The following PHRF1 variants were observed in gnomAD, a reference collection of about 807,000 sequenced individuals.
PHRF1 encodes PHD and ring finger domains 1, also known as PHD and RING finger domain-containing protein 1.
In PHRF1, 53 loss-of-function variants were observed where a neutral mutation model predicts 128.9. The observed-to-expected ratio is 0.41, with a 90% CI of 0.33 to 0.52. The LOEUF (loss-of-function observed/expected upper bound fraction) is 0.52. Among genes scored for constraint, PHRF1 ranks in the 20% least tolerant of loss-of-function variants. PHRF1 has a pLI of 0.21. For synonymous variants in PHRF1, 1,178 were observed against 980.6 expected, an observed-to-expected ratio of 1.20 and a Z score of -3.76; for missense variants, 2,503 against 2,284.5, an observed-to-expected ratio of 1.10 and a Z score of -1.95.
chr11:590,746 C>G (rs1256552758), intron 4 of PHRF1, among the ~76,000 whole-genome samples: 2 of 152,170 alleles, frequency 1.3e-5, no homozygotes, highest in South Asian at 2.1e-4. Flanking sequence ...TCTTGTCACC[C>G]AAGCTGGAGT....
chr11:584,391 C>A (rs997372485), intron 3 of PHRF1, among the ~76,000 whole-genome samples: 2 of 152,198 alleles, frequency 1.3e-5, no homozygotes, highest in Non-Finnish European at 2.9e-5. Flanking sequence ...AGCAGGGCCC[C>A]CACCGTGTCT....
chr11:590,711 A>G (rs1179378618), intron 4 of PHRF1, among the ~76,000 whole-genome samples: 1 of 151,716 alleles, frequency 6.6e-6, no homozygotes, highest in Non-Finnish European at 1.5e-5. Flanking sequence ...ATGAAAGTAA[A>G]TTTTTTTTTG....
chr11:607,582 C>T lies in PHRF1; in HGVS notation c.2126C>T (p.Ala709Val). 6.2e-7 allele frequency: 1 copy of T among 1,612,470 alleles called. No individual in the cohort carries two copies. Among genetic ancestry groups the T allele is most frequent in the Non-Finnish European group, 8.5e-7 (1 of 1,179,844 alleles). ...GGGCAGAGCATTGAGATCCCCAGTG[C>T]CTGCATCAGCCGACTGACTGGCAGG... is the stretch of plus-strand genomic sequence containing the variant. ...AHGQSIEIPS[A>V]CISRLTGREG... The change falls in exon 14 of 18, where the codon GCC (alanine) becomes GTC (valine). Residue 709 changes from alanine to valine, a missense_variant. Ala to Val is a moderately conservative substitution (Grantham distance 64). Coordinates refer to ENST00000264555, the MANE Select transcript of PHRF1 (RefSeq NM_001286581.2).
At chr11:584,137 G>T (rs1006146286) in intron 3 of PHRF1, among the ~76,000 whole-genome samples, 2 of 152,222 alleles carry the variant, frequency 1.3e-5, no homozygotes, top group Admixed American at 6.5e-5. Flanking sequence ...TCGATGTTTA[G>T]CTCTGCACGT....
chr11:600,493 A>AATAAATAAATAAATATAT (rs961079986), intron 9 of PHRF1, among the ~76,000 whole-genome samples: 20 of 129,334 alleles, frequency 1.5e-4, no homozygotes, highest in African/African-American at 5.3e-4. Flanking sequence ...TGTCTCCAAA[A>AATAAATAAATAAATATAT]ATATATATAT....
In PHRF1 at chr11:609,575, T is replaced by C; in HGVS notation, c.4119T>C (p.Ser1373=). The C allele has an allele frequency of 1.9e-6, 3 of 1,598,322 alleles. No homozygotes were observed. The highest frequency in any genetic ancestry group is 2.3e-5 in the East Asian group (1 of 44,276). Residue 1373 remains serine, a synonymous_variant, in exon 14 of 18, where the codon TCT becomes TCC. Transcript: ENST00000264555. ...CTGCGGGGAAGGAAGACAGCCCCTCTGCGAGTGGGAGGGTACAGGAGGCAG... is the reference window on the plus strand; with the variant it reads ...CTGCGGGGAAGGAAGACAGCCCCTCCGCGAGTGGGAGGGTACAGGAGGCAG... ...VAPAGKEDSP[S]ASGRVQEAAR...
At chr11:580,402 C>T (rs61343338) in intron 1 of PHRF1, among the ~76,000 whole-genome samples, 5,985 of 152,188 alleles carry the variant, frequency 0.039, 401 homozygotes, top group African/African-American at 0.14. Flanking sequence ...TCCCGGCTGA[C>T]GGGTCAGGGC....
At chr11:587,147 G>A in intron 3 of PHRF1, 112 bp from the exon 4 acceptor site, 1 of 952,220 alleles carries the variant, frequency 1.1e-6, no homozygotes, top group Admixed American at 2.1e-5. Flanking sequence ...CGGGGAGGTG[G>A]GCTGTGCATT....
In PHRF1 at chr11:609,523, A is replaced by G. The variant is rs760603775; in HGVS notation, c.4067A>G (p.Glu1356Gly). 2 of 1,601,744 alleles carry G rather than the reference A, an allele frequency of 1.2e-6. No homozygotes were observed. Among genetic ancestry groups the G allele is most frequent in the Admixed American group, 1.7e-5 (1 of 58,890 alleles). ...LLRPDAAEKA[E>G]APSSPDVAPA... The stretch of plus-strand genomic sequence containing the variant: ...AGGCCGGACGCGGCTGAGAAGGCTG[A>G]GGCACCCAGTTCCCCGGATGTGGCG... The change falls in exon 14 of 18, where the codon GAG (glutamate) becomes GGG (glycine). Residue 1356 changes from glutamate (E) to glycine (G), a missense_variant. Physicochemically the swap from Glu to Gly is moderately conservative, Grantham distance 98. Transcript: ENST00000264555.
chr11:578,651 G>GA (rs1412209149), intron 1 of PHRF1, among the ~76,000 whole-genome samples: 1 of 152,172 alleles, frequency 6.6e-6, no homozygotes, highest in East Asian at 1.9e-4. Flanking sequence ...CTGCAGCCTC[G>GA]AACTCCTGAG....
Position 611,696 on chromosome 11 carries a change from C to T in PHRF1, c.4869C>T (p.Tyr1623=), listed in dbSNP as rs759426285. 19 of 1,613,024 alleles carry T rather than the reference C, an allele frequency of 1.2e-5. No homozygotes were observed. Among genetic ancestry groups the T allele is most frequent in the East Asian group, 6.7e-5 (3 of 44,902 alleles). Residue 1623 remains tyrosine, a synonymous_variant, in exon 18 of 18, where the codon TAC becomes TAT. Transcript: ENST00000264555. ...AGGTGGCCAACCTGGTGAAGGCGTA[C>T]GTGGACAAGTACAGGCACATGCGCA... ...PVKVANLVKA[Y]VDKYRHMRRH...
At chr11:604,944 C>T (rs541253064) in intron 10 of PHRF1, among the ~76,000 whole-genome samples, 175 bp from the exon 11 acceptor site, 5 of 152,318 alleles carry the variant, frequency 3.3e-5, no homozygotes, top group East Asian at 3.9e-4. Context: ...CCGATGTGTG[C>T]GGCATTGTTC....
intron 9 of PHRF1, among the ~76,000 whole-genome samples, chr11:599,248 C>CTTTTTTTTTT (rs1855489133): frequency 8.0e-6 from 1 of 124,738 alleles, no homozygotes; most frequent in African/African-American, 3.0e-5. Flanking sequence ...TTTTTTTTTT[C>CTTTTTTTTTT]TTTTCTTTTT....
At position 610,668 on chromosome 11, in the gene PHRF1, C is replaced by T. The variant is rs1856318060; in HGVS notation, c.4584C>T (p.Ala1528=). The change falls in exon 16 of 18, where the codon GCC becomes GCT. Residue 1528 remains alanine, a synonymous_variant. Coordinates refer to ENST00000264555, the MANE Select transcript of PHRF1 (RefSeq NM_001286581.2). ...CAGTGCCCGCTGCCCTGACCCCAGC[C>T]TCAGAGCCAGCCAGTCAAGCCACTG... The part of the protein sequence containing the change: ...LAPVPAALTP[A]SEPASQATAA... The T allele has an allele frequency of 6.2e-7, 1 of 1,603,900 alleles. No individual in the cohort carries two copies. Among genetic ancestry groups the T allele is most frequent in the Non-Finnish European group, 8.5e-7 (1 of 1,179,820 alleles).
chr11:609,767 AAG>A, intron 14 of PHRF1, 47 bp downstream of exon 14: 4 of 1,205,092 alleles, frequency 3.3e-6, no homozygotes, highest in Non-Finnish European at 4.4e-6. Flanking sequence ...CCCAGTGAGT[AAG>A]GCCCTGGCCC....
At chr11:589,661 C>T (rs529034693) in intron 4 of PHRF1, among the ~76,000 whole-genome samples, 5,103 of 152,280 alleles carry the variant, frequency 0.034, 262 homozygotes, top group African/African-American at 0.12. Context: ...AGATCTCGGA[C>T]TAGAAAGCAA....
At chr11:583,354 A>G (rs777044709) in intron 3 of PHRF1, among the ~76,000 whole-genome samples, 31 of 149,576 alleles carry the variant, frequency 2.1e-4, no homozygotes, top group Non-Finnish European at 3.1e-4. Context: ...ACAAACAAAA[A>G]AACCCCACCA....
At chr11:600,527 T>G (rs1855570866) in intron 9 of PHRF1, among the ~76,000 whole-genome samples, 1 of 145,568 alleles carries the variant, frequency 6.9e-6, no homozygotes, top group Non-Finnish European at 1.5e-5. Flanking sequence ...TATGGTTTAT[T>G]TCTCCGTTTA....
At chr11:600,120 T>C (rs1214343940) in intron 9 of PHRF1, among the ~76,000 whole-genome samples, 2 of 151,970 alleles carry the variant, frequency 1.3e-5, no homozygotes, top group Non-Finnish European at 2.9e-5. Flanking sequence ...GGGTTACAGG[T>C]GTGAGCCATG....
Sources: gnomAD v4.1 joint callset for allele counts (sites outside exome capture counted in the v4.1 genomes callset) on GRCh38, gnomAD v4.1.1 for gene constraint, MANE v1.5 for transcripts, NCBI Gene and HGNC (gene_info 2026-07-23, HGNC 2026-07-21) for gene names.